The following GPR21 variants were observed in gnomAD, a reference collection of about 807,000 sequenced individuals.
GPR21 encodes G protein-coupled receptor 21, also known as probable G protein-coupled receptor 21.
A neutral mutation model predicts 21.5 loss-of-function variants in GPR21; 9 were observed. That is an observed-to-expected ratio of 0.42 (90% confidence interval 0.25 to 0.73). GPR21 has a LOEUF of 0.73. GPR21 is among the 30% of genes least tolerant of loss of function. The pLI is 0.27. For missense variants in GPR21, 416 were observed against 428.9 expected, an observed-to-expected ratio of 0.97 and a Z score of 0.27; for synonymous variants, 169 against 159.3, an observed-to-expected ratio of 1.06 and a Z score of -0.46.
chr9:123,035,766 G>A (rs557261934), downstream of GPR21: 19 of 547,396 alleles, frequency 3.5e-5, no homozygotes, highest in Admixed American at 7.0e-5. Flanking sequence ...CAAATTATTC[G>A]TATGGATACC....
the GPR21 span, among the ~76,000 whole-genome samples, chr9:123,043,451 A>G: frequency 6.6e-6 from 1 of 152,326 alleles, no homozygotes; most frequent in African/African-American, 2.4e-5. Flanking sequence ...TGATAGATAC[A>G]TAGAAAACCA....
In GPR21 at chr9:123,034,412, G is replaced by A; in HGVS notation, c.-155G>A. The A allele has an allele frequency of 1.6e-6, 1 of 623,128 alleles. No individual in the cohort carries two copies. Among genetic ancestry groups the A allele is most frequent in the Non-Finnish European group, 2.8e-6 (1 of 351,904 alleles). 38.6% of individuals were successfully genotyped at this position (623,128 alleles called of 1,614,324 possible). On this transcript the variant is annotated 5_prime_UTR_variant, in exon 2 of 2. An upstream start codon of the reference 5' UTR is lost. Coordinates refer to ENST00000616002, the MANE Select transcript of GPR21 (RefSeq NM_005294.3). The stretch of plus-strand genomic sequence containing the variant: ...AAAGGGGAATTGCACTGCAGGCAAT[G>A]CACCAGAGCAGCAGCATCAGGAGCT...
chr9:123,047,338 G>A, the GPR21 span, among the ~76,000 whole-genome samples: 1 of 152,174 alleles, frequency 6.6e-6, no homozygotes, highest in African/African-American at 2.4e-5. Flanking sequence ...GAAGGGTAAA[G>A]TTTTTGCTTA....
the GPR21 span, among the ~76,000 whole-genome samples, chr9:123,047,640 C>T: frequency 1.3e-5 from 2 of 151,942 alleles, no homozygotes; most frequent in Non-Finnish European, 2.9e-5. Context: ...AAATTAAAAT[C>T]TTCAATATGA....
Position 123,035,639 on chromosome 9 carries a change from C to T in GPR21, c.*23C>T, listed in dbSNP as rs1307724327. On this transcript the variant is annotated 3_prime_UTR_variant, in exon 2 of 2. Coordinates refer to ENST00000616002, the MANE Select transcript of GPR21 (RefSeq NM_005294.3). ...TGAAGTGGCTCAGTTACGGGGTTCC[C>T]GTGTGTGTGTGTGTGTGTGTGTGTG... 126 of 732,094 alleles carry T rather than the reference C, an allele frequency of 1.7e-4. No homozygotes were observed. The highest frequency in any genetic ancestry group is 2.6e-4 in the Non-Finnish European group (115 of 444,276). 45.3% of individuals were successfully genotyped at this position (732,094 alleles called of 1,614,324 possible).
the GPR21 span, among the ~76,000 whole-genome samples, chr9:123,045,453 T>C: frequency 2.6e-5 from 4 of 152,216 alleles, no homozygotes; most frequent in African/African-American, 9.6e-5. Context: ...TCATTCCTAC[T>C]TAAGTTTTGT....
chr9:123,035,651 T>G lies in GPR21; in HGVS notation c.*35T>G. The G allele has an allele frequency of 1.3e-5, 1 of 76,892 alleles. No homozygotes were observed. Among genetic ancestry groups the G allele is most frequent in the African/African-American group, 8.2e-5 (1 of 12,172 alleles). The allele number at this position is 76,892 out of a possible 1,614,324, so 4.8% of individuals were successfully genotyped here. A position where few individuals can be genotyped will look rare whatever the true frequency, so the allele number is the denominator to read the frequency against. ...GTTACGGGGTTCCCGTGTGTGTGTG[T>G]GTGTGTGTGTGTGTGTGTGTGTGTG... On this transcript the variant is annotated 3_prime_UTR_variant, in exon 2 of 2. Coordinates refer to ENST00000616002, the MANE Select transcript of GPR21 (RefSeq NM_005294.3).
downstream of GPR21, among the ~76,000 whole-genome samples, chr9:123,036,423 C>T (rs2032663699): frequency 1.3e-5 from 2 of 152,202 alleles, no homozygotes; most frequent in African/African-American, 2.4e-5. Flanking sequence ...TTCTCTTTTA[C>T]AGCAAAATGT....
downstream of GPR21, among the ~76,000 whole-genome samples, chr9:123,040,243 C>CTT (rs2032886967): frequency 6.6e-6 from 1 of 152,156 alleles, no homozygotes. Context: ...CCCCACAGCA[C>CTT]TGTTTTTTGT....
the GPR21 span, among the ~76,000 whole-genome samples, chr9:123,046,648 C>T: frequency 2.4e-4 from 36 of 152,308 alleles, no homozygotes; most frequent in East Asian, 5.8e-3. Context: ...GCTTGGCATG[C>T]AGTAAGCACT....
At chr9:123,037,690 A>T (rs916825837), downstream of GPR21, among the ~76,000 whole-genome samples, 2 of 152,194 alleles carry the variant, frequency 1.3e-5, no homozygotes, top group African/African-American at 2.4e-5. Context: ...TTGTTGAAAA[A>T]TTGATATTAA....
downstream of GPR21, among the ~76,000 whole-genome samples, chr9:123,038,720 TGAA>T (rs1385519816): frequency 1.3e-5 from 2 of 151,536 alleles, no homozygotes; most frequent in Non-Finnish European, 2.9e-5. Context: ...CATTTCAGGT[TGAA>T]GAAAAAAATA....
At chr9:123,043,024 A>C in the GPR21 span, among the ~76,000 whole-genome samples, 1 of 152,310 alleles carries the variant, frequency 6.6e-6, no homozygotes, top group Non-Finnish European at 1.5e-5. Flanking sequence ...TAATAGCTTC[A>C]GAATTTTGAG....
downstream of GPR21, among the ~76,000 whole-genome samples, chr9:123,040,599 T>C (rs941526836): frequency 6.6e-5 from 10 of 152,174 alleles, no homozygotes; most frequent in Admixed American, 6.6e-4. Context: ...CAACTCATTC[T>C]TTCTCTTTAA....
In GPR21 at chr9:123,035,492, G is replaced by A; in HGVS notation, c.926G>A (p.Ser309Asn). ...CNCVIYSLSN[S>N]VFQRGLKRLS... is the part of the protein sequence containing the mutation. ...TGTGTAATTTATAGTCTCTCCAACA[G>A]TGTATTCCAAAGAGGACTAAAGCGC... Residue 309 changes from serine (S) to asparagine (N), a missense_variant, in exon 2 of 2, where the codon AGT (serine) becomes AAT (asparagine). Physicochemically the swap from Ser to Asn is conservative, Grantham distance 46. Transcript: ENST00000616002. 6.2e-7 allele frequency: 1 copy of A among 1,614,050 alleles called. No homozygotes were observed. Among genetic ancestry groups the A allele is most frequent in the Non-Finnish European group, 8.5e-7 (1 of 1,179,910 alleles).
downstream of GPR21, among the ~76,000 whole-genome samples, chr9:123,038,342 A>C (rs1169053097): frequency 6.6e-6 from 1 of 152,144 alleles, no homozygotes; most frequent in Non-Finnish European, 1.5e-5. Context: ...TAATGGTCTC[A>C]GTATTTTAAG....
In GPR21 at chr9:123,035,480, GTC is replaced by G; in HGVS notation, c.919_920del (p.Ser307GlnfsTer32). On this transcript the variant is annotated frameshift_variant, in exon 2 of 2. Coordinates refer to ENST00000616002, the MANE Select transcript of GPR21 (RefSeq NM_005294.3). LOFTEE classifies it high-confidence loss of function. ...AGTTTCTGCAACTGTGTAATTTATA[GTC>G]TCTCCAACAGTGTATTCCAAAGAGG... is the stretch of plus-strand genomic sequence containing the variant. The G allele has an allele frequency of 6.2e-7, 1 of 1,614,090 alleles. No homozygotes were observed. Among genetic ancestry groups the G allele is most frequent in the Non-Finnish European group, 8.5e-7 (1 of 1,179,968 alleles).
downstream of GPR21, among the ~76,000 whole-genome samples, chr9:123,037,954 A>G (rs2032752834): frequency 6.6e-6 from 1 of 152,186 alleles, no homozygotes; most frequent in Non-Finnish European, 1.5e-5. Context: ...GGGATAGCTC[A>G]TTTAACTTTA....
chr9:123,036,405 T>A (rs561741318), downstream of GPR21, among the ~76,000 whole-genome samples: 62 of 152,352 alleles, frequency 4.1e-4, no homozygotes, highest in African/African-American at 1.5e-3. Flanking sequence ...ATATCTGAAT[T>A]GTTAGATTTC....
Sources: gnomAD v4.1 joint callset for allele counts (sites outside exome capture counted in the v4.1 genomes callset) on GRCh38, gnomAD v4.1.1 for gene constraint, MANE v1.5 for transcripts, NCBI Gene and HGNC (gene_info 2026-07-23, HGNC 2026-07-21) for gene names.